DNAAF6: variants seen among roughly 807,000 people sequenced by gnomAD.
DNAAF6 encodes dynein axonemal assembly factor 6.
DNAAF6 carries 3 observed loss-of-function variants against 13.7 expected under a neutral mutation model. The ratio of observed to expected loss-of-function variants is 0.22; its 90% CI spans 0.10 to 0.56. The LOEUF (loss-of-function observed/expected upper bound fraction) is 0.56. Ranked by LOEUF, DNAAF6 falls within the 20% of genes least tolerant of loss-of-function variation. The pLI, the probability that DNAAF6 is intolerant of heterozygous loss-of-function variation, is 0.92. For synonymous variants in DNAAF6, 54 were observed against 49.2 expected, an observed-to-expected ratio of 1.10 and a Z score of -0.41; for missense variants, 130 against 151.0, an observed-to-expected ratio of 0.86 and a Z score of 0.73.
intron 1 of DNAAF6, among the ~76,000 whole-genome samples, chrX:107,210,202 G>C (rs1187924161): frequency 9.0e-6 from 1 of 111,263 alleles, no homozygotes; most frequent in Non-Finnish European, 1.9e-5. Context: ...CCTAGCAAAA[G>C]AGAAGGAGAG....
chrX:107,234,118 G>T (rs1407465956), intron 5 of DNAAF6, among the ~76,000 whole-genome samples: 1 of 81,279 alleles, frequency 1.2e-5, no homozygotes, highest in African/African-American at 7.6e-5. Flanking sequence ...GACTCCTGTG[G>T]TGGAGAGGAG....
At chrX:107,236,323 C>A (rs1464119225) in intron 5 of DNAAF6, among the ~76,000 whole-genome samples, 2 of 112,049 alleles carry the variant, frequency 1.8e-5, no homozygotes, top group Non-Finnish European at 1.9e-5. Flanking sequence ...AAAGGAACAT[C>A]AATCCCTTTA....
rs760392315 is a variant in DNAAF6, at chrX:107,221,977, G to A, written c.333-768G>A. Among the ~76,000 whole-genome samples, 4 of 110,119 alleles carry A rather than the reference G, an allele frequency of 3.6e-5. No individual in the cohort carries two copies. In the South Asian group the frequency reaches 1.6e-3, roughly 43 times the overall value. ...ATATTTGTTTCATTCTATCTGAAGA[G>A]ATGGGGTACCTTGTGGTGGGTGCTT... On this transcript the variant is annotated intron_variant, in intron 4 of 6. Transcript: ENST00000372453.
intron 5 of DNAAF6, among the ~76,000 whole-genome samples, 192 bp from the exon 6 acceptor site, chrX:107,238,730 T>C (rs1280980830): frequency 8.9e-6 from 1 of 111,909 alleles, no homozygotes. Context: ...TCACTAAATT[T>C]CTCTGTTGTA....
intron 5 of DNAAF6, among the ~76,000 whole-genome samples, chrX:107,237,884 G>C (rs1928551696): frequency 8.9e-6 from 1 of 112,286 alleles, no homozygotes; most frequent in Non-Finnish European, 1.9e-5. Flanking sequence ...TGGAGGCTGA[G>C]GCAGGAGAAT....
At chrX:107,238,388 T>A (rs1166379329) in intron 5 of DNAAF6, among the ~76,000 whole-genome samples, 1 of 111,416 alleles carries the variant, frequency 9.0e-6, no homozygotes, top group East Asian at 2.8e-4. Context: ...CAATATGTTG[T>A]CCTTTTGGGG....
At chrX:107,217,655 A>G (rs1296527242) in intron 3 of DNAAF6, among the ~76,000 whole-genome samples, 2 of 112,492 alleles carry the variant, frequency 1.8e-5, no homozygotes, top group Non-Finnish European at 3.8e-5. Context: ...ATCTTTAAAA[A>G]TATAAAAGGC....
chrX:107,220,560 T>C (rs757677902), intron 4 of DNAAF6, among the ~76,000 whole-genome samples: 9 of 112,153 alleles, frequency 8.0e-5, no homozygotes, highest in Non-Finnish European at 1.7e-4. Context: ...TCTTCTACCT[T>C]ATGAAAATAC....
chrX:107,241,525 C>G (rs1474535246), intron 6 of DNAAF6, among the ~76,000 whole-genome samples: 1 of 111,533 alleles, frequency 9.0e-6, no homozygotes, highest in Non-Finnish European at 1.9e-5. Context: ...TTTATTTATT[C>G]ACTCAACATT....
At chrX:107,238,315 G>A (rs774394795) in intron 5 of DNAAF6, among the ~76,000 whole-genome samples, 1 of 111,178 alleles carries the variant, frequency 9.0e-6, no homozygotes, top group Non-Finnish European at 1.9e-5. Context: ...ATATACCCAG[G>A]AGTGGAATTG....
chrX:107,238,963 A>G lies in DNAAF6; in HGVS notation c.471A>G (p.Gln157=), dbSNP rs375767930. 5.2e-4 allele frequency: 624 copies of G among 1,208,898 alleles called. No individual in the cohort carries two copies. The highest frequency in any genetic ancestry group is 6.4e-4 in the Non-Finnish European group (571 of 894,780). ...CAAATACAAACCCTTCTGATATTCA[A>G]ATTGATATCCAGGAAACAATCCTTG... ...KLPNTNPSDI[Q]IDIQETILDL... is the part of the protein sequence containing the mutation. The change falls in exon 6 of 7, where the codon CAA becomes CAG. Residue 157 remains glutamine, a synonymous_variant. Coordinates refer to ENST00000372453, the MANE Select transcript of DNAAF6 (RefSeq NM_173494.2).
chrX:107,210,896 G>A (rs1037282291), intron 1 of DNAAF6, among the ~76,000 whole-genome samples: 1 of 111,541 alleles, frequency 9.0e-6, no homozygotes, highest in East Asian at 2.8e-4. Flanking sequence ...AGAAAATTAC[G>A]TTGGGACTAT....
intron 6 of DNAAF6, among the ~76,000 whole-genome samples, 183 bp downstream of exon 6, chrX:107,239,190 C>G (rs1928579660): frequency 9.0e-6 from 1 of 111,623 alleles, no homozygotes; most frequent in African/African-American, 3.2e-5. Flanking sequence ...AATACTTGGA[C>G]TTTTTTCTAC....
intron 5 of DNAAF6, among the ~76,000 whole-genome samples, chrX:107,232,730 G>C (rs183776678): frequency 4.5e-5 from 5 of 110,473 alleles, no homozygotes; most frequent in Non-Finnish European, 9.5e-5. Context: ...TGTTAGAAAG[G>C]GTTTTGTTGT....
chrX:107,241,682 C>A (rs1016982732), intron 6 of DNAAF6, among the ~76,000 whole-genome samples: 1 of 111,541 alleles, frequency 9.0e-6, no homozygotes, highest in Non-Finnish European at 1.9e-5. Context: ...GTAAAACAGA[C>A]GACGAAAATA....
intron 5 of DNAAF6, among the ~76,000 whole-genome samples, chrX:107,231,740 G>A (rs1928404544): frequency 1.8e-5 from 2 of 111,600 alleles, no homozygotes; most frequent in African/African-American, 6.5e-5. Flanking sequence ...ATGGGTCTCT[G>A]TTTTGAAATT....
intron 5 of DNAAF6, among the ~76,000 whole-genome samples, chrX:107,237,706 C>T (rs990249717): frequency 3.6e-5 from 4 of 111,992 alleles, no homozygotes; most frequent in Admixed American, 9.5e-5. Flanking sequence ...TATTGTGGGC[C>T]GGGCGCGTGG....
At chrX:107,210,522 A>T (rs1360285328) in intron 1 of DNAAF6, among the ~76,000 whole-genome samples, 1 of 110,603 alleles carries the variant, frequency 9.0e-6, no homozygotes, top group African/African-American at 3.3e-5. Context: ...GGACTCAAGC[A>T]ATCATCCTGC....
chrX:107,229,727 A>G (rs1928341228), intron 5 of DNAAF6, among the ~76,000 whole-genome samples: 1 of 109,998 alleles, frequency 9.1e-6, no homozygotes, highest in Non-Finnish European at 1.9e-5. Flanking sequence ...TCGCTCTGTC[A>G]CCCAGGCTGG....
Sources: gnomAD v4.1 joint callset for allele counts (sites outside exome capture counted in the v4.1 genomes callset) on GRCh38, gnomAD v4.1.1 for gene constraint, MANE v1.5 for transcripts, NCBI Gene and HGNC (gene_info 2026-07-23, HGNC 2026-07-21) for gene names.